Variants in PTPRT observed in about 807,000 individuals in gnomAD.
PTPRT encodes the protein receptor-type tyrosine-protein phosphatase T.
In PTPRT, 56 loss-of-function variants were observed where a neutral mutation model predicts 176.8. That is an observed-to-expected ratio of 0.32 (90% CI 0.26 to 0.40). The LOEUF is 0.40. Among genes scored for constraint, PTPRT ranks in the 10% least tolerant of loss-of-function variants. PTPRT has a pLI of 1.00. For synonymous variants in PTPRT, 783 were observed against 739.0 expected (o/e 1.06, Z -0.96); for missense variants, 1,540 against 1,908.2 (o/e 0.81, Z 3.60).
chr20:43,051,615 T>C (rs1337895645), intron 1 of PTPRT, among the ~76,000 whole-genome samples: 9 of 110,262 alleles, frequency 8.2e-5, no homozygotes, highest in African/African-American at 4.2e-4. Context: ...CCAGCCACAC[T>C]CTGTAACTGT....
At chr20:42,905,566 G>A (rs1277581277) in intron 1 of PTPRT, among the ~76,000 whole-genome samples, 1 of 152,092 alleles carries the variant, frequency 6.6e-6, no homozygotes, top group Non-Finnish European at 1.5e-5. Flanking sequence ...CCCATTACTG[G>A]GTACATACCC....
intron 7 of PTPRT, among the ~76,000 whole-genome samples, chr20:42,597,324 C>T (rs1002343654): frequency 2.0e-5 from 3 of 152,192 alleles, no homozygotes; most frequent in Non-Finnish European, 4.4e-5. Flanking sequence ...AATCCCCTCA[C>T]TTTTACCATA....
intron 7 of PTPRT, among the ~76,000 whole-genome samples, chr20:42,615,582 A>C (rs1166879627): frequency 7.3e-6 from 1 of 136,122 alleles, no homozygotes; most frequent in Non-Finnish European, 1.5e-5. Context: ...ATTTCTCCAC[A>C]TCCTCTCCAG....
intron 12 of PTPRT, among the ~76,000 whole-genome samples, chr20:42,285,800 C>CA (rs11481906): frequency 0.39 from 58,270 of 151,322 alleles, 11,259 homozygotes; most frequent in Non-Finnish European, 0.41. Context: ...AAAACTTTAC[C>CA]AAAAAAACAC....
chr20:43,034,175 C>T (rs951545464), intron 1 of PTPRT, among the ~76,000 whole-genome samples: 1 of 152,150 alleles, frequency 6.6e-6, no homozygotes, highest in African/African-American at 2.4e-5. Flanking sequence ...CAAGGAAGTC[C>T]CAGATGGGGG....
intron 1 of PTPRT, among the ~76,000 whole-genome samples, chr20:42,939,763 T>TA (rs1980427801): frequency 6.6e-6 from 1 of 152,176 alleles, no homozygotes; most frequent in South Asian, 2.1e-4. Context: ...ATATTATTAT[T>TA]AATGATAGCA....
chr20:42,905,409 G>A (rs189019567), intron 1 of PTPRT, among the ~76,000 whole-genome samples: 24 of 152,216 alleles, frequency 1.6e-4, no homozygotes, highest in Admixed American at 3.9e-4. Context: ...TTAAAAAGTC[G>A]GGAAACAACA....
chr20:42,169,835 T>C (rs1319783513), intron 16 of PTPRT, among the ~76,000 whole-genome samples: 3 of 149,086 alleles, frequency 2.0e-5, no homozygotes, highest in Non-Finnish European at 3.0e-5. Flanking sequence ...TCCCCTGTCT[T>C]GTTATTTTCT....
chr20:42,569,798 T>A (rs897740957), intron 7 of PTPRT, among the ~76,000 whole-genome samples: 1 of 152,174 alleles, frequency 6.6e-6, no homozygotes, highest in Non-Finnish European at 1.5e-5. Flanking sequence ...GTCTCAAAAG[T>A]TCCCCCAAGA....
chr20:42,043,451 C>T, the PTPRT span, among the ~76,000 whole-genome samples: 2 of 152,146 alleles, frequency 1.3e-5, no homozygotes, highest in South Asian at 2.1e-4. Context: ...GGGCTGTATG[C>T]AAAAATAAAG....
intron 1 of PTPRT, among the ~76,000 whole-genome samples, chr20:42,983,258 C>A (rs879314634): frequency 6.6e-6 from 1 of 152,218 alleles, no homozygotes; most frequent in Non-Finnish European, 1.5e-5. Context: ...CACAGCCATG[C>A]TGAGTGCTAA....
At chr20:42,362,834 G>A (rs972837112) in intron 9 of PTPRT, among the ~76,000 whole-genome samples, 4 of 151,966 alleles carry the variant, frequency 2.6e-5, no homozygotes, top group Non-Finnish European at 5.9e-5. Flanking sequence ...AGCCAGGCGC[G>A]GTGGCTCACG....
intron 22 of PTPRT, among the ~76,000 whole-genome samples, chr20:42,114,921 A>C (rs1987192781): frequency 6.6e-6 from 1 of 151,552 alleles, no homozygotes; most frequent in Admixed American, 6.6e-5. Flanking sequence ...ACCCCATCCT[A>C]CTGTGGATTT....
At position 42,248,715 on chromosome 20, in the gene PTPRT, G is replaced by A. The variant is rs781138141; in HGVS notation, c.2284C>T (p.Leu762=). 11 of 1,613,880 alleles carry A rather than the reference G, an allele frequency of 6.8e-6. No individual in the cohort carries two copies. Among genetic ancestry groups the A allele is most frequent in the Admixed American group, 1.7e-5 (1 of 59,996 alleles). Residue 762 remains leucine (L), a synonymous_variant, in exon 14 of 31, where the codon CTG becomes TTG. Coordinates refer to ENST00000373187, the MANE Select transcript of PTPRT (RefSeq NM_007050.6). ...CTTTTGATGGTGAGCATCACGCCCAGGAGAATGATGATGAACATGAGGAGG... is the reference window on the plus strand; with the variant it reads ...CTTTTGATGGTGAGCATCACGCCCAAGAGAATGATGATGAACATGAGGAGG... ...AGLLMFIIIL[L]GVMLTIKRRR...
At chr20:42,950,309 C>T (rs1384242175) in intron 1 of PTPRT, among the ~76,000 whole-genome samples, 2 of 152,188 alleles carry the variant, frequency 1.3e-5, no homozygotes, top group Non-Finnish European at 2.9e-5. Context: ...GGAAATCGTA[C>T]ATTCTGTCAG....
chr20:42,724,627 T>C (rs1412821929), intron 6 of PTPRT, among the ~76,000 whole-genome samples: 1 of 152,168 alleles, frequency 6.6e-6, no homozygotes, highest in Non-Finnish European at 1.5e-5. Context: ...ATTCTGCTCA[T>C]ATCCCTGTAA....
chr20:42,770,717 A>C (rs920698698), intron 5 of PTPRT, among the ~76,000 whole-genome samples: 8 of 152,232 alleles, frequency 5.3e-5, no homozygotes, highest in African/African-American at 1.9e-4. Context: ...CTTCCAGTTA[A>C]GATTACATGA....
chr20:43,046,651 G>A (rs1056209063), intron 1 of PTPRT, among the ~76,000 whole-genome samples: 5 of 152,026 alleles, frequency 3.3e-5, no homozygotes, highest in African/African-American at 4.8e-5. Flanking sequence ...CAGTGGCTTC[G>A]CCTCATCTCA....
intron 16 of PTPRT, among the ~76,000 whole-genome samples, chr20:42,197,979 T>G (rs1991299708): frequency 6.6e-6 from 1 of 152,198 alleles, no homozygotes; most frequent in South Asian, 2.1e-4. Context: ...GAGAACTCTC[T>G]GAATGACTTA....
Sources: gnomAD v4.1 joint callset for allele counts (sites outside exome capture counted in the v4.1 genomes callset) on GRCh38, gnomAD v4.1.1 for gene constraint, MANE v1.5 for transcripts, NCBI Gene and HGNC (gene_info 2026-07-23, HGNC 2026-07-21) for gene names.